EXOSC4: variants seen among roughly 807,000 people sequenced by gnomAD.
EXOSC4 encodes the protein exosome complex component RRP41.
A neutral mutation model predicts 20.0 loss-of-function variants in EXOSC4; 14 were observed. That is an observed-to-expected ratio of 0.70 (90% CI 0.46 to 1.09). The LOEUF (loss-of-function observed/expected upper bound fraction) is 1.09. EXOSC4 is among the 50% of genes least tolerant of loss of function. EXOSC4 has a pLI of 0.00. For missense variants in EXOSC4, 337 were observed against 334.0 expected (o/e 1.01, Z -0.07); for synonymous variants, 148 against 146.4 (o/e 1.01, Z -0.08).
At chr8:144,079,513 A>C in intron 1 of EXOSC4, 1 of 356,802 alleles carries the variant, frequency 2.8e-6, no homozygotes, top group Middle Eastern at 9.8e-4. Context: ...CAAGGCACTT[A>C]TGCAGAGCAG....
At chr8:144,076,466 G>A (rs756756501), upstream of EXOSC4, among the ~76,000 whole-genome samples, 201 of 152,192 alleles carry the variant, frequency 1.3e-3, 1 homozygote, top group Non-Finnish European at 1.8e-3. Context: ...AATTTGAATC[G>A]ACCCATGTGT....
the EXOSC4 span, among the ~76,000 whole-genome samples, chr8:144,064,194 T>A: frequency 6.6e-6 from 1 of 152,204 alleles, no homozygotes; most frequent in South Asian, 2.1e-4. Context: ...ATCCTCCTCC[T>A]AGAAGATGGA....
upstream of EXOSC4, among the ~76,000 whole-genome samples, chr8:144,075,025 CAT>C (rs1835823914): frequency 6.6e-6 from 1 of 152,102 alleles, no homozygotes; most frequent in Non-Finnish European, 1.5e-5. Context: ...TTTGATCAAA[CAT>C]GTGAGAGGAG....
the EXOSC4 span, among the ~76,000 whole-genome samples, chr8:144,070,308 G>A: frequency 2.6e-5 from 4 of 151,920 alleles, no homozygotes; most frequent in Admixed American, 6.6e-5. Flanking sequence ...GGTGGATCAC[G>A]AGGTCAGGAG....
chr8:144,071,459 C>CCA, the EXOSC4 span, among the ~76,000 whole-genome samples: 1 of 149,042 alleles, frequency 6.7e-6, no homozygotes, highest in East Asian at 2.0e-4. Context: ...GTGCGTGCCA[C>CCA]CACACGTGGC....
chr8:144,075,982 G>T (rs1835832661), upstream of EXOSC4, among the ~76,000 whole-genome samples: 1 of 152,232 alleles, frequency 6.6e-6, no homozygotes, highest in African/African-American at 2.4e-5. Flanking sequence ...TGAAGAGTGG[G>T]TGTCTGGGAA....
At chr8:144,064,517 C>A in the EXOSC4 span, among the ~76,000 whole-genome samples, 1 of 152,242 alleles carries the variant, frequency 6.6e-6, no homozygotes, top group Non-Finnish European at 1.5e-5. Flanking sequence ...CACGCTAGGA[C>A]AGCATGGGAG....
upstream of EXOSC4, among the ~76,000 whole-genome samples, chr8:144,076,212 C>T (rs1330052501): frequency 2.6e-5 from 4 of 152,234 alleles, no homozygotes; most frequent in Admixed American, 1.3e-4. Flanking sequence ...TTCACACACA[C>T]GGCTCCAGCT....
chr8:144,079,040 C>G, intron 1 of EXOSC4, 141 bp downstream of exon 1: 2 of 993,654 alleles, frequency 2.0e-6, no homozygotes, highest in Non-Finnish European at 2.7e-6. Flanking sequence ...GCATCTCACT[C>G]GGAGTAAACG....
the EXOSC4 span, among the ~76,000 whole-genome samples, chr8:144,065,911 G>A: frequency 1.3e-5 from 2 of 150,210 alleles, no homozygotes; most frequent in South Asian, 4.2e-4. Context: ...CAGGCTCAAG[G>A]GATCCTCCTA....
At chr8:144,072,090 G>A in the EXOSC4 span, among the ~76,000 whole-genome samples, 5 of 152,222 alleles carry the variant, frequency 3.3e-5, no homozygotes, top group African/African-American at 1.2e-4. Flanking sequence ...GGGTATTTAC[G>A]ACATCCGTCA....
chr8:144,071,515 C>T, the EXOSC4 span, among the ~76,000 whole-genome samples: 3 of 148,230 alleles, frequency 2.0e-5, no homozygotes, highest in South Asian at 4.3e-4. Context: ...CCATGTTGAC[C>T]AGGCTGATCT....
the EXOSC4 span, among the ~76,000 whole-genome samples, chr8:144,071,974 T>C: frequency 6.6e-6 from 1 of 152,120 alleles, no homozygotes; most frequent in Admixed American, 6.5e-5. Flanking sequence ...AGTGAGATGT[T>C]GTCTCAGAAA....
the EXOSC4 span, among the ~76,000 whole-genome samples, chr8:144,064,840 C>CT: frequency 0.024 from 3,216 of 136,650 alleles, 63 homozygotes; most frequent in South Asian, 0.028. Flanking sequence ...TCCAATCTGT[C>CT]TTTTTTTTTT....
In EXOSC4 at chr8:144,079,460, C is replaced by A. The variant is rs111909817; in HGVS notation, c.172-483C>A. ...GAGTGTGGGAGCTCTGCTTTCCAGG[C>A]GGAGGGAACCAGAAGGGCGAAGACC... On this transcript the variant is annotated intron_variant, in intron 1 of 2. Transcript: ENST00000316052. 7.9e-3 allele frequency: 2,577 copies of A among 325,236 alleles called. 40 individuals are homozygous for A. Among genetic ancestry groups the A allele is most frequent in the South Asian group, 0.028 (1,094 of 39,010 alleles). The allele number at this position is 325,236 out of a possible 1,614,324, so 20.1% of individuals were successfully genotyped here.
chr8:144,079,440 T>C (rs963276486), intron 1 of EXOSC4: 1 of 322,404 alleles, frequency 3.1e-6, no homozygotes, highest in Non-Finnish European at 6.0e-6. Flanking sequence ...CGCATGAGTG[T>C]GGGAGCTCTG....
At chr8:144,078,264 A>AT, upstream of EXOSC4, 1 of 154,448 alleles carries the variant, frequency 6.5e-6, no homozygotes, top group Non-Finnish European at 1.4e-5. The surrounding 1 kb of genome is among the most constrained non-coding windows in gnomAD (Gnocchi z 4.7). Context: ...GTCGCACCCC[A>AT]CTGGGTTCAT....
At chr8:144,069,377 G>A in the EXOSC4 span, among the ~76,000 whole-genome samples, 1 of 152,234 alleles carries the variant, frequency 6.6e-6, no homozygotes, top group East Asian at 1.9e-4. Context: ...GGCTTTTACA[G>A]GGATGGTTCC....
chr8:144,077,604 G>A (rs1032895133), upstream of EXOSC4, among the ~76,000 whole-genome samples: 1 of 152,226 alleles, frequency 6.6e-6, no homozygotes, highest in African/African-American at 2.4e-5. Flanking sequence ...TCCCACTGAA[G>A]GGTGGGGTCC....
Sources: gnomAD v4.1 joint callset for allele counts (sites outside exome capture counted in the v4.1 genomes callset) on GRCh38, gnomAD v4.1.1 for gene constraint, Gnocchi (gnomAD v3.1) non-coding constraint, MANE v1.5 for transcripts, NCBI Gene and HGNC (gene_info 2026-07-23, HGNC 2026-07-21) for gene names.